Variants in PIK3C2G observed in about 807,000 individuals in gnomAD.
PIK3C2G encodes the protein phosphatidylinositol 3-kinase C2 domain-containing subunit gamma.
Under a neutral mutation model 181.1 loss-of-function variants are expected in PIK3C2G, and 168 were observed. The ratio of observed to expected loss-of-function variants is 0.93; its 90% CI spans 0.82 to 1.05. The LOEUF (loss-of-function observed/expected upper bound fraction) is 1.05, where lower values mean the gene tolerates loss of function less well. Ranked by LOEUF, PIK3C2G falls within the 50% of genes least tolerant of loss-of-function variation. PIK3C2G has a pLI of 0.00. For synonymous variants in PIK3C2G, 573 were observed against 592.2 expected (o/e 0.97, Z 0.47); for missense variants, 1,869 against 1,732.8 (o/e 1.08, Z -1.40).
chr12:18,299,256 C>A (rs772108654), intron 5 of PIK3C2G, among the ~76,000 whole-genome samples: 2 of 151,756 alleles, frequency 1.3e-5, no homozygotes, highest in African/African-American at 4.8e-5. Context: ...GGTCTTTTAC[C>A]CCTTTGGTTA....
intron 18 of PIK3C2G, among the ~76,000 whole-genome samples, chr12:18,453,562 G>A (rs1947476053): frequency 6.6e-6 from 1 of 151,826 alleles, no homozygotes; most frequent in African/African-American, 2.4e-5. Flanking sequence ...TTGAGGGGAG[G>A]GGTTAGGCTT....
At chr12:18,602,197 G>A (rs1190886860) in intron 30 of PIK3C2G, among the ~76,000 whole-genome samples, 2 of 152,086 alleles carry the variant, frequency 1.3e-5, no homozygotes, top group Non-Finnish European at 2.9e-5. Context: ...AGGGGGGCAC[G>A]GTGGGAGTGA....
chr12:18,546,281 TTC>T (rs1380936874), intron 25 of PIK3C2G, 40 bp from the exon 26 acceptor site: 1 of 1,158,480 alleles, frequency 8.6e-7, no homozygotes, highest in Non-Finnish European at 1.3e-6. Context: ...TCTGCATTTA[TTC>T]TGTCTTCTTT....
chr12:18,591,086 G>A (rs1947052270), intron 29 of PIK3C2G, among the ~76,000 whole-genome samples: 1 of 151,934 alleles, frequency 6.6e-6, no homozygotes, highest in African/African-American at 2.4e-5. Flanking sequence ...TCTGCAGTCT[G>A]AGGTTTGATT....
chr12:18,412,557 A>T (rs1386964031), intron 16 of PIK3C2G, among the ~76,000 whole-genome samples: 1 of 152,110 alleles, frequency 6.6e-6, no homozygotes, highest in Admixed American at 6.6e-5. Context: ...TACTAATCTC[A>T]CCAAATAGTC....
At chr12:18,315,437 T>C (rs1177508891) in intron 6 of PIK3C2G, among the ~76,000 whole-genome samples, 1 of 152,130 alleles carries the variant, frequency 6.6e-6, no homozygotes, top group Non-Finnish European at 1.5e-5. Context: ...CATTGGAGCA[T>C]GGGGGAAGAA....
chr12:18,313,480 T>C (rs1950724604), intron 5 of PIK3C2G, among the ~76,000 whole-genome samples: 2 of 152,102 alleles, frequency 1.3e-5, no homozygotes, highest in African/African-American at 2.4e-5. Flanking sequence ...TAAATCTGTC[T>C]CTAAAGCTCG....
At chr12:18,387,595 C>T (rs1368020449) in intron 14 of PIK3C2G, among the ~76,000 whole-genome samples, 3 of 152,116 alleles carry the variant, frequency 2.0e-5, no homozygotes, top group East Asian at 1.9e-4. Flanking sequence ...TTTCCACCCA[C>T]GGACCCTCTA....
At chr12:18,637,429 A>G (rs1364057037) in intron 31 of PIK3C2G, among the ~76,000 whole-genome samples, 3 of 151,358 alleles carry the variant, frequency 2.0e-5, no homozygotes, top group African/African-American at 4.9e-5. Context: ...AAAAAATGAA[A>G]TAAGAATTTG....
intron 16 of PIK3C2G, among the ~76,000 whole-genome samples, chr12:18,418,379 C>A (rs1945296320): frequency 6.6e-6 from 1 of 151,970 alleles, no homozygotes. Flanking sequence ...AATGCACATG[C>A]ATTTTCAGAG....
chr12:18,394,718 T>C (rs577960232), intron 15 of PIK3C2G, among the ~76,000 whole-genome samples: 1 of 152,036 alleles, frequency 6.6e-6, no homozygotes, highest in African/African-American at 2.4e-5. Context: ...AACGGTGAGC[T>C]TGAAGACAGG....
At chr12:18,638,100 T>C (rs983814706) in intron 31 of PIK3C2G, among the ~76,000 whole-genome samples, 1 of 152,234 alleles carries the variant, frequency 6.6e-6, no homozygotes, top group African/African-American at 2.4e-5. Context: ...GTAATTATTT[T>C]GGAGTGTAGC....
At chr12:18,403,746 T>C (rs1944376368) in intron 16 of PIK3C2G, among the ~76,000 whole-genome samples, 2 of 152,142 alleles carry the variant, frequency 1.3e-5, no homozygotes, top group South Asian at 2.1e-4. Context: ...TTTCTACTAC[T>C]GAGTGCCAGC....
intron 11 of PIK3C2G, among the ~76,000 whole-genome samples, chr12:18,360,463 T>C (rs1941136391): frequency 6.6e-6 from 1 of 152,108 alleles, no homozygotes; most frequent in Admixed American, 6.5e-5. Context: ...TACCGGTGAG[T>C]TTTATAGTTT....
the PIK3C2G span, among the ~76,000 whole-genome samples, chr12:18,668,554 AAGG>A: frequency 2.0e-5 from 3 of 152,102 alleles, no homozygotes; most frequent in Non-Finnish European, 4.4e-5. Flanking sequence ...TGCCTTCTTC[AAGG>A]AGATCATGCA....
chr12:18,249,695 T>C (rs1355020165), intron 1 of PIK3C2G, among the ~76,000 whole-genome samples: 2 of 152,120 alleles, frequency 1.3e-5, no homozygotes, highest in African/African-American at 4.8e-5. Context: ...TTAATATTAT[T>C]TGAACAGTAT....
intron 10 of PIK3C2G, among the ~76,000 whole-genome samples, chr12:18,343,632 T>TA (rs751386958): frequency 6.6e-6 from 1 of 152,060 alleles, no homozygotes; most frequent in South Asian, 2.1e-4. Flanking sequence ...AAAAGATCTA[T>TA]AAAAATTATA....
intron 2 of PIK3C2G, among the ~76,000 whole-genome samples, chr12:18,285,071 T>G (rs1346840036): frequency 1.3e-5 from 2 of 152,034 alleles, no homozygotes; most frequent in Non-Finnish European, 2.9e-5. Flanking sequence ...CATATAGACA[T>G]TTTATACTCA....
chr12:18,324,614 A>G (rs1024099786), intron 7 of PIK3C2G, among the ~76,000 whole-genome samples: 3 of 152,232 alleles, frequency 2.0e-5, no homozygotes, highest in African/African-American at 7.2e-5. Context: ...GGTGTCAGAG[A>G]CAACCCCATC....
Sources: allele counts gnomAD v4.1 joint callset (sites outside exome capture counted in the v4.1 genomes callset), GRCh38; gene constraint gnomAD v4.1.1; transcripts MANE v1.5; gene names NCBI Gene and HGNC (gene_info 2026-07-23, HGNC 2026-07-21).